Variants in CPA6 observed in about 807,000 individuals in gnomAD.
CPA6 encodes carboxypeptidase B.
CPA6 carries 58 observed loss-of-function variants against 63.3 expected under a neutral mutation model. That is an observed-to-expected ratio of 0.92 (90% confidence interval 0.74 to 1.14). The LOEUF is 1.14. CPA6 is among the 50% of genes most tolerant of loss of function. The pLI is 0.00. For synonymous variants in CPA6, 185 were observed against 179.0 expected, an observed-to-expected ratio of 1.03 and a Z score of -0.27; for missense variants, 565 against 526.6, an observed-to-expected ratio of 1.07 and a Z score of -0.71.
intron 1 of CPA6, among the ~76,000 whole-genome samples, chr8:67,740,710 C>G (rs924019605): frequency 1.3e-5 from 2 of 152,082 alleles, no homozygotes; most frequent in East Asian, 3.9e-4. Context: ...GCGGGGACTA[C>G]AGGTGCATGC....
chr8:67,686,902 G>A (rs1442688898), intron 1 of CPA6, among the ~76,000 whole-genome samples: 2 of 152,166 alleles, frequency 1.3e-5, no homozygotes, highest in East Asian at 3.9e-4. Context: ...TTCAGCGTGG[G>A]AGAGTTCAGA....
intron 2 of CPA6, among the ~76,000 whole-genome samples, chr8:67,549,007 T>G (rs1025517601): frequency 6.6e-6 from 1 of 152,254 alleles, no homozygotes; most frequent in Admixed American, 6.5e-5. Flanking sequence ...GTCTGAAATT[T>G]AATTTAAAAA....
chr8:67,629,030 G>T (rs1008459225), intron 1 of CPA6, among the ~76,000 whole-genome samples: 2 of 152,102 alleles, frequency 1.3e-5, no homozygotes, highest in African/African-American at 2.4e-5. Context: ...CAGGAGAATC[G>T]CTTGAACCTG....
At chr8:67,742,800 A>T (rs1817936912) in intron 1 of CPA6, among the ~76,000 whole-genome samples, 1 of 152,212 alleles carries the variant, frequency 6.6e-6, no homozygotes, top group South Asian at 2.1e-4. Flanking sequence ...GTTAAACTTC[A>T]GACTTATGCT....
intron 2 of CPA6, among the ~76,000 whole-genome samples, chr8:67,561,229 C>T (rs1813203855): frequency 6.6e-6 from 1 of 152,064 alleles, no homozygotes; most frequent in Non-Finnish European, 1.5e-5. Flanking sequence ...TCCAGGAACT[C>T]CACTAGGCAT....
chr8:67,650,692 G>A (rs930857930), intron 1 of CPA6, among the ~76,000 whole-genome samples: 1 of 152,070 alleles, frequency 6.6e-6, no homozygotes, highest in South Asian at 2.1e-4. Context: ...ATTCATGGCG[G>A]CTTCATCATG....
chr8:67,512,732 T>C (rs1812066971), intron 3 of CPA6, among the ~76,000 whole-genome samples: 2 of 152,344 alleles, frequency 1.3e-5, no homozygotes, highest in Non-Finnish European at 2.9e-5. Flanking sequence ...AAAGCTTTGC[T>C]TTCATATTTT....
chr8:67,567,266 G>A (rs1022675758), intron 2 of CPA6, among the ~76,000 whole-genome samples: 1 of 152,174 alleles, frequency 6.6e-6, no homozygotes, highest in African/African-American at 2.4e-5. Flanking sequence ...GGTCTTGTGA[G>A]ACCTGAAGTT....
intron 2 of CPA6, among the ~76,000 whole-genome samples, chr8:67,619,159 C>A (rs576728726): frequency 6.6e-6 from 1 of 152,318 alleles, no homozygotes; most frequent in Admixed American, 6.5e-5. Flanking sequence ...ATAGCCTATG[C>A]ATGTAGTCCA....
chr8:67,475,855 CTTT>C (rs1811193704), intron 8 of CPA6, among the ~76,000 whole-genome samples: 6 of 75,854 alleles, frequency 7.9e-5, no homozygotes, highest in African/African-American at 2.8e-4. Context: ...TTCTTTCTTT[CTTT>C]CTTTCTTTCT....
Position 67,699,463 on chromosome 8 carries a change from G to A in CPA6, c.116+46551C>T, listed in dbSNP as rs1012566476. ...AAAACAAAACAAAACAGGAGGGGGG[G>A]ATGTTACCTAGAAAAACAGGCAAAT... On this transcript the variant is annotated intron_variant, in intron 1 of 10. Coordinates refer to ENST00000297770, the MANE Select transcript of CPA6 (RefSeq NM_020361.5). Among the ~76,000 whole-genome samples, 4 of 151,720 alleles carry A rather than the reference G, an allele frequency of 2.6e-5. 1 individual carries two copies. The highest frequency in any genetic ancestry group is 5.9e-5 in the Non-Finnish European group (4 of 67,944).
intron 6 of CPA6, among the ~76,000 whole-genome samples, chr8:67,487,904 TG>T (rs879482790): frequency 2.0e-5 from 3 of 152,342 alleles, no homozygotes; most frequent in African/African-American, 7.2e-5. Flanking sequence ...TTGATGGGAT[TG>T]TTTTTTTCTT....
chr8:67,663,018 T>C (rs75968141), intron 1 of CPA6, among the ~76,000 whole-genome samples: 1 of 150,138 alleles, frequency 6.7e-6, no homozygotes, highest in South Asian at 2.1e-4. Context: ...CGGGCCACTG[T>C]TGGTGACAGA....
chr8:67,743,182 C>T (rs951049962), intron 1 of CPA6, among the ~76,000 whole-genome samples: 2 of 152,154 alleles, frequency 1.3e-5, no homozygotes, highest in Non-Finnish European at 2.9e-5. Context: ...TCGTTATTTT[C>T]CACTTTGCTT....
intron 1 of CPA6, among the ~76,000 whole-genome samples, chr8:67,677,342 C>CTTT (rs35049117): frequency 0.051 from 6,538 of 128,282 alleles, 265 homozygotes; most frequent in African/African-American, 0.093. Flanking sequence ...AAAACACCTT[C>CTTT]TTTTTTTTTT....
At chr8:67,728,286 C>T (rs1817642047) in intron 1 of CPA6, among the ~76,000 whole-genome samples, 1 of 152,126 alleles carries the variant, frequency 6.6e-6, no homozygotes, top group South Asian at 2.1e-4. Context: ...TTCTAAACCT[C>T]ATTGGGGAAT....
At chr8:67,654,830 C>T (rs1408787058) in intron 1 of CPA6, among the ~76,000 whole-genome samples, 1 of 152,074 alleles carries the variant, frequency 6.6e-6, no homozygotes, top group Non-Finnish European at 1.5e-5. Context: ...CTACACTGCC[C>T]CAGGCCTCAA....
chr8:67,730,622 G>T (rs1023998002), intron 1 of CPA6, among the ~76,000 whole-genome samples: 10 of 152,140 alleles, frequency 6.6e-5, no homozygotes, highest in African/African-American at 2.4e-4. Context: ...GCTCCCATCC[G>T]AAGGCTATCC....
intron 2 of CPA6, among the ~76,000 whole-genome samples, chr8:67,575,680 AACC>A (rs1288079350): frequency 1.3e-5 from 2 of 152,166 alleles, no homozygotes; most frequent in Non-Finnish European, 2.9e-5. Context: ...AACATGGTGA[AACC>A]CTGTCACTAC....
Sources: allele counts gnomAD v4.1 joint callset (sites outside exome capture counted in the v4.1 genomes callset), GRCh38; gene constraint gnomAD v4.1.1; transcripts MANE v1.5; gene names NCBI Gene and HGNC (gene_info 2026-07-23, HGNC 2026-07-21).